Variants in TMEM200A observed in about 807,000 individuals in gnomAD.
TMEM200A encodes the protein two transmembrane C.
A neutral mutation model predicts 24.3 loss-of-function variants in TMEM200A; 12 were observed. That is an observed-to-expected ratio of 0.49 (90% confidence interval 0.32 to 0.80). The LOEUF is 0.80. Among genes scored for constraint, TMEM200A ranks in the 30% least tolerant of loss-of-function variants. The pLI is 0.04. For synonymous variants in TMEM200A, 224 were observed against 224.4 expected (o/e 1.00, Z 0.02); for missense variants, 545 against 614.4 (o/e 0.89, Z 1.19).
At chr6:130,365,586 C>T (rs1778115267), upstream of TMEM200A, 2 of 985,306 alleles carry the variant, frequency 2.0e-6, no homozygotes, top group Admixed American at 6.1e-5. Context: ...GCTCCCCAGC[C>T]GCTCCGGAGA....
intron 2 of TMEM200A, among the ~76,000 whole-genome samples, chr6:130,412,966 G>A (rs1779365794): frequency 6.6e-6 from 1 of 152,160 alleles, no homozygotes; most frequent in Non-Finnish European, 1.5e-5. Flanking sequence ...AGAAATGAAT[G>A]TATATTTATA....
intron 1 of TMEM200A, among the ~76,000 whole-genome samples, chr6:130,379,030 A>C (rs1398809779): frequency 6.6e-6 from 1 of 152,146 alleles, no homozygotes; most frequent in Non-Finnish European, 1.5e-5. Flanking sequence ...CCATTCCTAT[A>C]ATAACTAACC....
chr6:130,377,091 G>A (rs180673242), intron 1 of TMEM200A, among the ~76,000 whole-genome samples: 1 of 152,224 alleles, frequency 6.6e-6, no homozygotes, highest in East Asian at 1.9e-4. Context: ...TCCATGCTAA[G>A]AGCATAACAA....
intron 2 of TMEM200A, among the ~76,000 whole-genome samples, chr6:130,414,681 C>T (rs1189848271): frequency 1.3e-5 from 2 of 152,156 alleles, no homozygotes; most frequent in Non-Finnish European, 2.9e-5. Flanking sequence ...TTCACAACCT[C>T]GTGAGCACAG....
intron 2 of TMEM200A, chr6:130,421,312 C>G (rs1779578588): frequency 6.6e-6 from 1 of 152,150 alleles, no homozygotes; most frequent in Admixed American, 6.6e-5. Flanking sequence ...TTCTTGTTCT[C>G]TTACCTCCTT....
chr6:130,373,289 A>G (rs1308078923), intron 1 of TMEM200A, among the ~76,000 whole-genome samples: 2 of 152,226 alleles, frequency 1.3e-5, no homozygotes. Flanking sequence ...TTTTCTAATC[A>G]TAAAGGCGAT....
At chr6:130,419,113 C>T (rs1468041657) in intron 2 of TMEM200A, among the ~76,000 whole-genome samples, 1 of 152,178 alleles carries the variant, frequency 6.6e-6, no homozygotes, top group East Asian at 1.9e-4. Context: ...CCATCCTAGT[C>T]TCTACCTCTG....
intron 2 of TMEM200A, among the ~76,000 whole-genome samples, chr6:130,417,818 G>C (rs750941406): frequency 5.3e-5 from 8 of 152,232 alleles, no homozygotes; most frequent in Non-Finnish European, 8.8e-5. Flanking sequence ...ACAAAACCTT[G>C]TCCTGGTTGA....
chr6:130,395,458 A>G (rs1488526934), intron 2 of TMEM200A, among the ~76,000 whole-genome samples: 1 of 152,240 alleles, frequency 6.6e-6, no homozygotes, highest in African/African-American at 2.4e-5. Context: ...AAGAAAGAAC[A>G]GATCTCAAAA....
intron 2 of TMEM200A, among the ~76,000 whole-genome samples, chr6:130,423,508 T>C (rs1369235256): frequency 6.6e-6 from 1 of 152,108 alleles, no homozygotes; most frequent in African/African-American, 2.4e-5. Context: ...AAAAAGTACA[T>C]GTTGCCGAAT....
chr6:130,403,956 A>G (rs146641811), intron 2 of TMEM200A, among the ~76,000 whole-genome samples: 58 of 152,250 alleles, frequency 3.8e-4, no homozygotes, highest in African/African-American at 1.3e-3. Flanking sequence ...TAGTTTGCTG[A>G]GGATAATGGC....
intron 2 of TMEM200A, among the ~76,000 whole-genome samples, chr6:130,398,431 C>T (rs1779003702): frequency 7.0e-6 from 1 of 142,294 alleles, no homozygotes; most frequent in South Asian, 2.1e-4. Context: ...ATGAACATAC[C>T]AGTGCATGTG....
At chr6:130,368,856 G>A (rs1260158493) in intron 1 of TMEM200A, among the ~76,000 whole-genome samples, 1 of 152,206 alleles carries the variant, frequency 6.6e-6, no homozygotes, top group Non-Finnish European at 1.5e-5. Context: ...GTGGCTGTGG[G>A]TAAGTGGCTA....
At chr6:130,392,233 G>A (rs1778851349) in intron 2 of TMEM200A, among the ~76,000 whole-genome samples, 1 of 152,142 alleles carries the variant, frequency 6.6e-6, no homozygotes, top group Non-Finnish European at 1.5e-5. Context: ...ACTTAATGAG[G>A]TAATGCATAT....
At chr6:130,434,822 G>C (rs113953176) in intron 2 of TMEM200A, among the ~76,000 whole-genome samples, 5 of 152,032 alleles carry the variant, frequency 3.3e-5, no homozygotes, top group African/African-American at 9.7e-5. Context: ...GCTTGAGTGC[G>C]GGCAAGAGTA....
At chr6:130,374,573 G>A (rs367858666) in intron 1 of TMEM200A, among the ~76,000 whole-genome samples, 6 of 151,796 alleles carry the variant, frequency 4.0e-5, no homozygotes, top group African/African-American at 9.7e-5. Flanking sequence ...ACACCACCAC[G>A]CCAGGCTAAT....
At chr6:130,428,387 A>ATACTT (rs1253299296) in intron 2 of TMEM200A, among the ~76,000 whole-genome samples, 1 of 152,084 alleles carries the variant, frequency 6.6e-6, no homozygotes, top group Non-Finnish European at 1.5e-5. Context: ...TTCTCTTCCT[A>ATACTT]TACTTTATCC....
At chr6:130,371,946 C>A (rs1295943636) in intron 1 of TMEM200A, among the ~76,000 whole-genome samples, 2 of 152,202 alleles carry the variant, frequency 1.3e-5, no homozygotes, top group South Asian at 4.1e-4. Context: ...TTTGTAAGGC[C>A]ATGCGCCTTA....
intron 2 of TMEM200A, among the ~76,000 whole-genome samples, chr6:130,392,392 T>A (rs1248239560): frequency 6.6e-6 from 1 of 152,246 alleles, no homozygotes; most frequent in African/African-American, 2.4e-5. Context: ...ACATTTTCTT[T>A]ATCCTGCCTC....
Sources: gnomAD v4.1 joint callset for allele counts (sites outside exome capture counted in the v4.1 genomes callset) on GRCh38, gnomAD v4.1.1 for gene constraint, MANE v1.5 for transcripts, NCBI Gene and HGNC (gene_info 2026-07-23, HGNC 2026-07-21) for gene names.